The following CCSER1 variants were observed in gnomAD, a reference collection of about 807,000 sequenced individuals.
CCSER1 encodes serine-rich coiled-coil domain-containing protein 1.
In CCSER1, 41 loss-of-function variants were observed where a neutral mutation model predicts 82.0. The ratio of observed to expected loss-of-function variants is 0.50; its 90% CI spans 0.39 to 0.65. The LOEUF is 0.65. Ranked by LOEUF, CCSER1 falls within the 30% of genes least tolerant of loss-of-function variation. CCSER1 has a pLI of 0.00. For missense variants in CCSER1, 1,119 were observed against 1,064.2 expected, an observed-to-expected ratio of 1.05 and a Z score of -0.72; for synonymous variants, 414 against 383.9, an observed-to-expected ratio of 1.08 and a Z score of -0.92.
At chr4:90,189,421 G>C (rs755940865) in intron 1 of CCSER1, among the ~76,000 whole-genome samples, 1 of 151,854 alleles carries the variant, frequency 6.6e-6, no homozygotes. Context: ...AGTGCCCCTT[G>C]CAGCTCTGTA....
At chr4:90,625,723 G>A (rs1321011489) in intron 5 of CCSER1, among the ~76,000 whole-genome samples, 1 of 151,974 alleles carries the variant, frequency 6.6e-6, no homozygotes, top group African/African-American at 2.4e-5. Context: ...CAATGTGGAT[G>A]TTTTCAATAA....
intron 9 of CCSER1, among the ~76,000 whole-genome samples, chr4:91,054,360 C>T (rs896763423): frequency 6.6e-6 from 1 of 152,126 alleles, no homozygotes; most frequent in African/African-American, 2.4e-5. Flanking sequence ...TTCAGCTTAG[C>T]ACTTCTTCTA....
At chr4:91,084,968 T>G (rs1723217127) in intron 9 of CCSER1, among the ~76,000 whole-genome samples, 1 of 152,098 alleles carries the variant, frequency 6.6e-6, no homozygotes, top group Admixed American at 6.6e-5. Flanking sequence ...ATGAAATACT[T>G]AACTACAATA....
At chr4:91,312,582 A>C (rs1427243484) in intron 10 of CCSER1, among the ~76,000 whole-genome samples, 1 of 151,898 alleles carries the variant, frequency 6.6e-6, no homozygotes, top group Non-Finnish European at 1.5e-5. Context: ...AAGTGCCCTC[A>C]AGAAAAAAAG....
At chr4:90,815,625 A>T (rs1758908765) in intron 7 of CCSER1, 137 bp from the exon 8 acceptor site, 1 of 570,892 alleles carries the variant, frequency 1.8e-6, no homozygotes, top group Non-Finnish European at 3.0e-6. Flanking sequence ...ATATTATGAA[A>T]AATATCATAC....
chr4:91,171,606 T>C (rs1732763450), intron 10 of CCSER1, among the ~76,000 whole-genome samples: 4 of 152,178 alleles, frequency 2.6e-5, no homozygotes, highest in Admixed American at 2.6e-4. Flanking sequence ...TAAACTATTA[T>C]AGTACCCCAG....
intron 10 of CCSER1, among the ~76,000 whole-genome samples, chr4:91,180,187 G>T (rs190150770): frequency 6.6e-6 from 1 of 152,292 alleles, no homozygotes; most frequent in South Asian, 2.1e-4. Flanking sequence ...TCTCAGAGGG[G>T]CACCCGGCTG....
chr4:90,611,835 CAAAAT>C (rs982968685), intron 5 of CCSER1, among the ~76,000 whole-genome samples: 12 of 149,518 alleles, frequency 8.0e-5, no homozygotes, highest in African/African-American at 2.2e-4. Flanking sequence ...CTGTTATCCT[CAAAAT>C]AAAACCACTC....
At chr4:91,262,909 C>T (rs1005509818) in intron 10 of CCSER1, among the ~76,000 whole-genome samples, 6 of 151,792 alleles carry the variant, frequency 4.0e-5, no homozygotes, top group African/African-American at 7.3e-5. Flanking sequence ...CTCAGGTTAG[C>T]GCAGCCTGAC....
At chr4:90,957,531 TATATATA>T (rs1238016677) in intron 9 of CCSER1, among the ~76,000 whole-genome samples, 2 of 121,396 alleles carry the variant, frequency 1.6e-5, no homozygotes, top group African/African-American at 7.2e-5. Flanking sequence ...TATCATATAT[TATATATA>T]TTATATAATT....
At chr4:90,926,540 C>T (rs567439701) in intron 9 of CCSER1, among the ~76,000 whole-genome samples, 3 of 152,050 alleles carry the variant, frequency 2.0e-5, no homozygotes, top group East Asian at 3.9e-4. Flanking sequence ...AATTCACTGC[C>T]ATGAATAAGT....
At chr4:91,575,488 A>C (rs1194122713) in intron 10 of CCSER1, among the ~76,000 whole-genome samples, 1 of 152,118 alleles carries the variant, frequency 6.6e-6, no homozygotes, top group Non-Finnish European at 1.5e-5. Flanking sequence ...TTCATACCCA[A>C]AATGCATATA....
chr4:90,381,596 T>G (rs764877355), intron 3 of CCSER1, among the ~76,000 whole-genome samples: 16 of 152,116 alleles, frequency 1.1e-4, no homozygotes, highest in Non-Finnish European at 2.4e-4. Flanking sequence ...ATGGTCACTT[T>G]GTTTCAGAAA....
intron 3 of CCSER1, among the ~76,000 whole-genome samples, chr4:90,324,008 T>C (rs1281516090): frequency 6.6e-6 from 1 of 152,214 alleles, no homozygotes; most frequent in Non-Finnish European, 1.5e-5. Flanking sequence ...CTCATCATTG[T>C]TTATGGCTGC....
At chr4:91,407,354 G>A (rs1186208675) in intron 10 of CCSER1, among the ~76,000 whole-genome samples, 1 of 152,184 alleles carries the variant, frequency 6.6e-6, no homozygotes, top group Non-Finnish European at 1.5e-5. Context: ...TCTGTGGAGA[G>A]TGACCATGTA....
At chr4:90,839,461 C>T (rs556699841) in intron 8 of CCSER1, among the ~76,000 whole-genome samples, 10 of 152,328 alleles carry the variant, frequency 6.6e-5, no homozygotes, top group Non-Finnish European at 1.3e-4. Flanking sequence ...TGTGTTACAT[C>T]TATAGAGCAT....
intron 10 of CCSER1, among the ~76,000 whole-genome samples, chr4:91,265,624 T>C (rs1050806492): frequency 1.3e-5 from 2 of 152,196 alleles, no homozygotes; most frequent in African/African-American, 4.8e-5. Flanking sequence ...TCACTTCTGT[T>C]CCATTAATTG....
intron 1 of CCSER1, among the ~76,000 whole-genome samples, chr4:90,180,964 T>C (rs2153385434): frequency 6.6e-6 from 1 of 152,332 alleles, no homozygotes; most frequent in African/African-American, 2.4e-5. Context: ...ATTTAGACTC[T>C]TTCTGTCTCA....
intron 7 of CCSER1, among the ~76,000 whole-genome samples, chr4:90,775,835 T>C (rs1476689053): frequency 6.6e-6 from 1 of 151,890 alleles, no homozygotes; most frequent in Non-Finnish European, 1.5e-5. Context: ...ACGACCACTT[T>C]GGTAGGTAGA....
Sources: gnomAD v4.1 joint callset for allele counts (sites outside exome capture counted in the v4.1 genomes callset) on GRCh38, gnomAD v4.1.1 for gene constraint, MANE v1.5 for transcripts, NCBI Gene and HGNC (gene_info 2026-07-23, HGNC 2026-07-21) for gene names.